PRKG1: variants seen among roughly 807,000 people sequenced by gnomAD.
PRKG1 encodes cGMP-dependent protein kinase 1.
In PRKG1, 35 loss-of-function variants were observed where a neutral mutation model predicts 88.1. That is an observed-to-expected ratio of 0.40 (90% confidence interval 0.30 to 0.53). The LOEUF is 0.53. Ranked by LOEUF, PRKG1 falls within the 20% of genes least tolerant of loss-of-function variation. The pLI is 0.59. For missense variants in PRKG1, 540 were observed against 839.8 expected (o/e 0.64, Z 4.41); for synonymous variants, 303 against 292.5 (o/e 1.04, Z -0.37).
At chr10:51,098,382 C>T (rs1324201485) in intron 1 of PRKG1, among the ~76,000 whole-genome samples, 1 of 152,100 alleles carries the variant, frequency 6.6e-6, no homozygotes, top group Non-Finnish European at 1.5e-5. Context: ...TTTCCCGTGT[C>T]CCAGAGGTCC....
At chr10:51,809,184 A>G (rs1839386817) in intron 4 of PRKG1, among the ~76,000 whole-genome samples, 2 of 152,118 alleles carry the variant, frequency 1.3e-5, no homozygotes, top group Non-Finnish European at 1.5e-5. Flanking sequence ...TAGATGCCAC[A>G]TCAAACTGTG....
chr10:51,270,359 AT>A (rs1466547970), intron 2 of PRKG1, among the ~76,000 whole-genome samples: 2 of 152,044 alleles, frequency 1.3e-5, no homozygotes, highest in Non-Finnish European at 2.9e-5. Context: ...TTCATTTTGG[AT>A]TTTTTAAGAG....
chr10:51,913,590 T>C (rs1842273047), intron 5 of PRKG1, among the ~76,000 whole-genome samples: 1 of 152,226 alleles, frequency 6.6e-6, no homozygotes, highest in Non-Finnish European at 1.5e-5. Flanking sequence ...AAGTTGTGTA[T>C]ACTTACAGGT....
At chr10:51,143,731 C>A (rs1845876807) in intron 1 of PRKG1, among the ~76,000 whole-genome samples, 1 of 152,066 alleles carries the variant, frequency 6.6e-6, no homozygotes, top group African/African-American at 2.4e-5. Flanking sequence ...TGACACTGAG[C>A]ATTTTTTATG....
At chr10:51,861,479 C>G (rs2154283) in intron 4 of PRKG1, among the ~76,000 whole-genome samples, 3 of 151,870 alleles carry the variant, frequency 2.0e-5, no homozygotes, top group African/African-American at 4.8e-5. Flanking sequence ...CAGAAATACC[C>G]GGGTCTATTA....
chr10:51,129,222 G>A (rs952621184), intron 1 of PRKG1, among the ~76,000 whole-genome samples: 1 of 152,056 alleles, frequency 6.6e-6, no homozygotes, highest in Non-Finnish European at 1.5e-5. Context: ...ATGCCTATAA[G>A]CTTAGCACTT....
intron 2 of PRKG1, among the ~76,000 whole-genome samples, chr10:51,342,861 T>C (rs1293269499): frequency 2.6e-5 from 4 of 152,250 alleles, no homozygotes; most frequent in Non-Finnish European, 5.9e-5. Flanking sequence ...AATATTCATC[T>C]GTGTTAGATT....
intron 1 of PRKG1, among the ~76,000 whole-genome samples, chr10:51,135,024 C>T (rs188507414): frequency 6.6e-6 from 1 of 152,210 alleles, no homozygotes; most frequent in Non-Finnish European, 1.5e-5. Context: ...ACATTCATTC[C>T]CTGTCCATGT....
chr10:51,993,003 G>T (rs76944723), intron 5 of PRKG1, among the ~76,000 whole-genome samples: 2,456 of 152,118 alleles, frequency 0.016, 68 homozygotes, highest in African/African-American at 0.055. Flanking sequence ...TCTTACTCAC[G>T]GAAGGAGAGA....
chr10:51,349,494 G>T (rs1273397017), intron 2 of PRKG1, among the ~76,000 whole-genome samples: 1 of 149,420 alleles, frequency 6.7e-6, no homozygotes. Flanking sequence ...ATGTGTGTGT[G>T]TATGTGTATG....
At chr10:51,521,147 AGTG>A (rs1257614776) in intron 3 of PRKG1, among the ~76,000 whole-genome samples, 1 of 152,032 alleles carries the variant, frequency 6.6e-6, no homozygotes, top group Non-Finnish European at 1.5e-5. Context: ...ATTAGCTGAG[AGTG>A]GTGGCATGTG....
At chr10:51,163,092 G>A (rs566503098) in intron 2 of PRKG1, among the ~76,000 whole-genome samples, 60 of 150,926 alleles carry the variant, frequency 4.0e-4, no homozygotes, top group Middle Eastern at 3.4e-3. Flanking sequence ...TTGAATTCGC[G>A]AGGCGGAGGC....
At chr10:51,173,373 A>G (rs1030204926) in intron 2 of PRKG1, among the ~76,000 whole-genome samples, 4 of 151,762 alleles carry the variant, frequency 2.6e-5, no homozygotes, top group African/African-American at 9.7e-5. Flanking sequence ...TATCACTTGG[A>G]CCATGTAAAT....
intron 5 of PRKG1, among the ~76,000 whole-genome samples, chr10:52,011,241 A>G (rs1239984264): frequency 6.6e-6 from 1 of 152,138 alleles, no homozygotes; most frequent in Non-Finnish European, 1.5e-5. Context: ...CTTTATTTTT[A>G]GAATTCATTT....
At chr10:51,371,088 C>A (rs1842696464) in intron 2 of PRKG1, among the ~76,000 whole-genome samples, 1 of 152,036 alleles carries the variant, frequency 6.6e-6, no homozygotes, top group African/African-American at 2.4e-5. Flanking sequence ...CCCTTTCCAC[C>A]ATCCGTGTCC....
intron 1 of PRKG1, among the ~76,000 whole-genome samples, chr10:51,066,259 A>T (rs1308338894): frequency 1.3e-5 from 2 of 152,076 alleles, no homozygotes; most frequent in South Asian, 2.1e-4. Flanking sequence ...TCACAACCTA[A>T]GCAATAATCC....
chr10:51,374,093 A>AAATATATATATAT, intron 2 of PRKG1, among the ~76,000 whole-genome samples: 22 of 100,188 alleles, frequency 2.2e-4, no homozygotes, highest in South Asian at 8.5e-4. Context: ...AAAAAAAAAA[A>AAATATATATATAT]ATATATATAT....
In PRKG1 at chr10:51,186,066, C is replaced by T. The variant is rs1026314828; in HGVS notation, c.478+32736C>T. 4.3e-4 allele frequency among the ~76,000 whole-genome samples: 65 copies of T among 151,668 alleles called. 1 individual carries two copies. Among genetic ancestry groups the T allele is most frequent in the Non-Finnish European group, 1.3e-4 (9 of 67,854 alleles). On this transcript the variant is annotated intron_variant, in intron 2 of 17. Coordinates refer to ENST00000373980, the MANE Select transcript of PRKG1 (RefSeq NM_006258.4). ...TCCATATGCATGTTTTGCTTGAGTA[C>T]CTGAATAAATCTTTTTGTATCTTAG...
Position 52,296,937 on chromosome 10 carries a change from G to C in PRKG1, c.*3037G>C, listed in dbSNP as rs374952525. The stretch of plus-strand genomic sequence containing the variant: ...TGGAATATGCATGTGAATTACACAT[G>C]TGTAGTAATAAACTCAACTATTGAA... On this transcript the variant is annotated 3_prime_UTR_variant, in exon 18 of 18. Coordinates refer to ENST00000373980, the MANE Select transcript of PRKG1 (RefSeq NM_006258.4). 4 of 151,594 alleles carry C rather than the reference G, an allele frequency of 2.6e-5. No homozygotes were observed. The highest frequency in any genetic ancestry group is 9.7e-5 in the African/African-American group (4 of 41,400). The allele number at this position is 151,594 out of a possible 1,614,324, so 9.4% of individuals were successfully genotyped here. A position where few individuals can be genotyped will look rare whatever the true frequency, so the allele number is the denominator to read the frequency against.
Sources: allele counts gnomAD v4.1 joint callset (sites outside exome capture counted in the v4.1 genomes callset), GRCh38; gene constraint gnomAD v4.1.1; transcripts MANE v1.5; gene names NCBI Gene and HGNC (gene_info 2026-07-23, HGNC 2026-07-21).